The following PALM2AKAP2 variants were observed in gnomAD, a reference collection of about 807,000 sequenced individuals.
PALM2AKAP2 encodes the protein PALM2-AKAP2 fusion protein.
PALM2AKAP2 carries 37 observed loss-of-function variants against 71.5 expected under a neutral mutation model. The ratio of observed to expected loss-of-function variants is 0.52; its 90% confidence interval spans 0.40 to 0.68. The LOEUF (loss-of-function observed/expected upper bound fraction) is 0.68, where lower values mean the gene tolerates loss of function less well. PALM2AKAP2 is among the 30% of genes least tolerant of loss of function. The probability of loss-of-function intolerance (pLI) is 0.00; values close to 1 mark genes in which losing one functional copy is unlikely to be tolerated. For missense variants in PALM2AKAP2, 1,224 were observed against 1,191.8 expected (o/e 1.03, Z -0.40); for synonymous variants, 468 against 478.8 (o/e 0.98, Z 0.29).
intron 3 of PALM2AKAP2, among the ~76,000 whole-genome samples, chr9:110,158,983 C>G (rs925043383): frequency 6.6e-6 from 1 of 152,190 alleles, no homozygotes; most frequent in African/African-American, 2.4e-5. Context: ...ATTTAGGGGA[C>G]CTTTTCTCCT....
chr9:109,868,588 A>G (rs977817714), intron 2 of PALM2AKAP2, among the ~76,000 whole-genome samples: 2 of 152,192 alleles, frequency 1.3e-5, no homozygotes, highest in Non-Finnish European at 2.9e-5. Flanking sequence ...GTCCTTTTCT[A>G]GAAAACAGGA....
exon 4 of PALM2AKAP2, chr9:110,171,704 T>C (rs1267052161): frequency 6.6e-6 from 1 of 152,474 alleles, no homozygotes; most frequent in Non-Finnish European, 1.5e-5. Flanking sequence ...TACGAAAAAC[T>C]TTGCCTCTGA....
intron 1 of PALM2AKAP2, among the ~76,000 whole-genome samples, chr9:110,054,413 AC>A (rs1346810306): frequency 6.6e-6 from 1 of 151,762 alleles, no homozygotes; most frequent in African/African-American, 2.4e-5. Context: ...AAAAAAAAAT[AC>A]CAAAACCTAC....
rs1310799771 is a variant in PALM2AKAP2 at position 109,738,135 on chromosome 9, A to T, written c.6-42353A>T. On this transcript the variant is annotated intron_variant, in intron 1 of 6. Transcript: ENST00000374531. ...TATATAATCTATTGCACTTGCTATG[A>T]ATTTCTTTATATACTCTTATGTTTC... is the stretch of plus-strand genomic sequence containing the variant. 4.6e-5 allele frequency among the ~76,000 whole-genome samples: 7 copies of T among 152,224 alleles called. 1 individual carries two copies. Among genetic ancestry groups the T allele is most frequent in the Admixed American group, 4.6e-4 (7 of 15,280 alleles).
At chr9:110,041,589 G>A (rs1833513352) in intron 7 of PALM2AKAP2, among the ~76,000 whole-genome samples, 1 of 152,212 alleles carries the variant, frequency 6.6e-6, no homozygotes, top group Non-Finnish European at 1.5e-5. Flanking sequence ...GCAGGGAAAG[G>A]AAATAAATGT....
intron 1 of PALM2AKAP2, among the ~76,000 whole-genome samples, chr9:109,798,801 G>A (rs549994567): frequency 6.6e-6 from 1 of 152,318 alleles, no homozygotes; most frequent in Admixed American, 6.5e-5. Context: ...TGTGCCTGAA[G>A]GAGCAGGAAA....
intron 1 of PALM2AKAP2, among the ~76,000 whole-genome samples, chr9:109,749,621 A>G (rs1017146787): frequency 1.7e-4 from 26 of 152,012 alleles, no homozygotes; most frequent in African/African-American, 6.3e-4. Flanking sequence ...ATTCTAGAAT[A>G]TACTTTATTA....
At chr9:109,688,548 A>G (rs1827835264) in intron 1 of PALM2AKAP2, among the ~76,000 whole-genome samples, 1 of 152,258 alleles carries the variant, frequency 6.6e-6, no homozygotes, top group Admixed American at 6.5e-5. Context: ...TCAGGCCCAT[A>G]TTTGGAAACA....
chr9:109,695,672 C>T (rs189501448), intron 1 of PALM2AKAP2, among the ~76,000 whole-genome samples: 72 of 152,044 alleles, frequency 4.7e-4, no homozygotes, highest in African/African-American at 1.5e-3. Flanking sequence ...GTTATATGGA[C>T]GCAATGGAAT....
At chr9:110,155,329 C>T (rs538223798) in intron 2 of PALM2AKAP2, among the ~76,000 whole-genome samples, 27 of 152,220 alleles carry the variant, frequency 1.8e-4, no homozygotes, top group Non-Finnish European at 3.7e-4. Context: ...GTTTTAGCCG[C>T]ATCAACCACA....
intron 3 of PALM2AKAP2, among the ~76,000 whole-genome samples, chr9:109,912,126 C>T (rs943077909): frequency 6.6e-6 from 1 of 152,076 alleles, no homozygotes; most frequent in Admixed American, 6.5e-5. Context: ...GACAGGAAGG[C>T]ATAAGGCTGG....
intron 2 of PALM2AKAP2, among the ~76,000 whole-genome samples, chr9:109,877,322 G>A (rs1192779202): frequency 5.9e-5 from 9 of 152,004 alleles, no homozygotes; most frequent in Non-Finnish European, 8.8e-5. Flanking sequence ...AGGGAATTGG[G>A]CTACAATTCC....
intron 3 of PALM2AKAP2, among the ~76,000 whole-genome samples, chr9:109,882,151 G>A (rs895974744): frequency 1.4e-4 from 21 of 151,984 alleles, no homozygotes; most frequent in Admixed American, 3.9e-4. Flanking sequence ...CCAAAGTGCT[G>A]GAATTACAGA....
chr9:109,845,941 A>G (rs1828840736), intron 1 of PALM2AKAP2, among the ~76,000 whole-genome samples: 2 of 152,222 alleles, frequency 1.3e-5, no homozygotes, highest in Admixed American at 1.3e-4. Flanking sequence ...AAAGTCTCAG[A>G]TTCAGAAGGA....
chr9:110,114,059 C>T (rs1428484616), intron 1 of PALM2AKAP2, among the ~76,000 whole-genome samples: 1 of 152,196 alleles, frequency 6.6e-6, no homozygotes. Context: ...CCTAGGGCAG[C>T]TATAACAAAT....
intron 1 of PALM2AKAP2, among the ~76,000 whole-genome samples, chr9:109,649,857 G>C (rs1827201966): frequency 1.3e-5 from 2 of 152,208 alleles, no homozygotes; most frequent in Admixed American, 6.5e-5. Context: ...TGTGTAGAGA[G>C]TGAGCAGATC....
rs1298287749 is a variant in PALM2AKAP2 at position 110,068,518 on chromosome 9, TA to T, written c.156+19678del. On this transcript the variant is annotated intron_variant, in intron 1 of 3. Coordinates refer to ENST00000374525, the Ensembl canonical transcript of PALM2AKAP2. The stretch of plus-strand genomic sequence containing the variant: ...ACTGAGGGCAAAATTGGAGCTTTTT[TA>T]AAAAAAAAAAAAAATTTAATTTTTT... Among the ~76,000 whole-genome samples the T allele has an allele frequency of 3.4e-3, 471 of 139,774 alleles. 8 individuals are homozygous for T. The highest frequency in any genetic ancestry group is 6.5e-3 in the South Asian group (29 of 4,492). The allele number at this position is 139,774 out of a possible 152,430, so 91.7% of individuals were successfully genotyped here. A position where few individuals can be genotyped will look rare whatever the true frequency, so the allele number is the denominator to read the frequency against.
intron 1 of PALM2AKAP2, among the ~76,000 whole-genome samples, chr9:110,052,042 A>T (rs1193732518): frequency 6.6e-6 from 1 of 152,012 alleles, no homozygotes; most frequent in Non-Finnish European, 1.5e-5. Flanking sequence ...AGCTGAGACT[A>T]CAGGTGCCCA....
chr9:110,019,472 C>T (rs993320939), intron 7 of PALM2AKAP2, among the ~76,000 whole-genome samples: 5 of 152,108 alleles, frequency 3.3e-5, no homozygotes, highest in South Asian at 2.1e-4. Context: ...GAAAATAAAT[C>T]GTCTTATCAA....
Sources: gnomAD v4.1 joint callset for allele counts (sites outside exome capture counted in the v4.1 genomes callset) on GRCh38, gnomAD v4.1.1 for gene constraint, MANE v1.5 for transcripts, NCBI Gene and HGNC (gene_info 2026-07-23, HGNC 2026-07-21) for gene names.